The following RPS6KA5 variants were observed in gnomAD, a reference collection of about 807,000 sequenced individuals.
RPS6KA5 encodes the protein ribosomal protein S6 kinase alpha-5.
A neutral mutation model predicts 85.5 loss-of-function variants in RPS6KA5; 27 were observed. That is an observed-to-expected ratio of 0.32 (90% confidence interval 0.23 to 0.44). RPS6KA5 has a LOEUF of 0.44. Among genes scored for constraint, RPS6KA5 ranks in the 20% least tolerant of loss-of-function variants. RPS6KA5 has a pLI of 1.00. For missense variants in RPS6KA5, 811 were observed against 980.9 expected (o/e 0.83, Z 2.31); for synonymous variants, 334 against 348.2 (o/e 0.96, Z 0.46).
At chr14:90,968,323 A>C (rs1195183098) in intron 3 of RPS6KA5, among the ~76,000 whole-genome samples, 2 of 152,030 alleles carry the variant, frequency 1.3e-5, no homozygotes, top group Non-Finnish European at 2.9e-5. Context: ...CCTATTGTGT[A>C]AGGACCCTTG....
chr14:90,904,139 C>T (rs2035362603), intron 8 of RPS6KA5, among the ~76,000 whole-genome samples: 1 of 152,056 alleles, frequency 6.6e-6, no homozygotes, highest in Non-Finnish European at 1.5e-5. Context: ...TTAGCAGAGA[C>T]AGGGTTTCAC....
In RPS6KA5 at chr14:91,055,074, T is replaced by C. The variant is rs76234986; in HGVS notation, c.103+5258A>G. Reference sequence around the variant, plus strand: ...TGCTTGTCATTAGGCATTAGGGAAATGGAAAATCACTTCACACTCCCTATG... The same window carrying C: ...TGCTTGTCATTAGGCATTAGGGAAACGGAAAATCACTTCACACTCCCTATG... On this transcript the variant is annotated intron_variant, in intron 1 of 16. Transcript: ENST00000614987. Among the ~76,000 whole-genome samples the C allele has an allele frequency of 7.5e-3, 1,147 of 152,150 alleles. 8 individuals carry two copies. Among genetic ancestry groups the C allele is most frequent in the African/African-American group, 0.026 (1,078 of 41,494 alleles).
chr14:90,902,194 A>T (rs1424417866), intron 9 of RPS6KA5, among the ~76,000 whole-genome samples: 2 of 146,508 alleles, frequency 1.4e-5, no homozygotes, highest in African/African-American at 5.1e-5. Flanking sequence ...AAAAAAAAAA[A>T]ATTTTTTTGG....
At chr14:90,908,973 G>C (rs1452908307) in intron 7 of RPS6KA5, among the ~76,000 whole-genome samples, 2 of 152,218 alleles carry the variant, frequency 1.3e-5, no homozygotes, top group Non-Finnish European at 2.9e-5. Flanking sequence ...ACGCATAGGT[G>C]GTGGGAAGGT....
At chr14:90,979,650 T>C (rs955502942) in intron 2 of RPS6KA5, among the ~76,000 whole-genome samples, 2 of 152,234 alleles carry the variant, frequency 1.3e-5, no homozygotes, top group African/African-American at 2.4e-5. Flanking sequence ...CAACACACAA[T>C]GTGCAAGAGA....
rs894713594 is a variant in RPS6KA5, at chr14:90,866,110, A to G, written c.*5964T>C. 1 of 152,212 alleles carries G rather than the reference A, an allele frequency of 6.6e-6. No homozygotes were observed. Among genetic ancestry groups the G allele is most frequent in the African/African-American group, 2.4e-5 (1 of 41,450 alleles). The allele number at this position is 152,212 out of a possible 1,614,324, so 9.4% of individuals were successfully genotyped here. ...TGTAGAAATACACAAATGAGTGTGGACACACCATAGAAAAGCAGAAAAATA... is the reference window on the plus strand; with the variant it reads ...TGTAGAAATACACAAATGAGTGTGGGCACACCATAGAAAAGCAGAAAAATA... On this transcript the variant is annotated 3_prime_UTR_variant, in exon 17 of 17. Transcript: ENST00000614987.
chr14:91,051,064 C>A (rs189471344), intron 1 of RPS6KA5, among the ~76,000 whole-genome samples: 21 of 150,994 alleles, frequency 1.4e-4, no homozygotes, highest in Non-Finnish European at 2.5e-4. Flanking sequence ...CCCACCTCTA[C>A]CAAAAAATAC....
chr14:90,854,140 A>G lies in RPS6KA5; in HGVS notation c.*17934T>C, dbSNP rs2032155978. On this transcript the variant is annotated 3_prime_UTR_variant, in exon 17 of 17. Coordinates refer to ENST00000614987, the MANE Select transcript of RPS6KA5 (RefSeq NM_004755.4). Reference sequence around the variant, plus strand: ...TCTAAACTAAGATATCTGTTTATATAGACTATTGATGCAAACTAATTTTAA... The same window carrying G: ...TCTAAACTAAGATATCTGTTTATATGGACTATTGATGCAAACTAATTTTAA... 6.6e-6 allele frequency: 1 copy of G among 151,376 alleles called. No individual in the cohort carries two copies. The highest frequency in any genetic ancestry group is 1.5e-5 in the Non-Finnish European group (1 of 68,010). 9.4% of individuals were successfully genotyped at this position (151,376 alleles called of 1,614,324 possible). A position where few individuals can be genotyped will look rare whatever the true frequency, so the allele number is the denominator to read the frequency against.
Position 90,853,223 on chromosome 14 carries a change from A to G in RPS6KA5, c.*18851T>C, listed in dbSNP as rs1313499312. 6.6e-6 allele frequency: 1 copy of G among 152,214 alleles called. No homozygotes were observed. Among genetic ancestry groups the G allele is most frequent in the Non-Finnish European group, 1.5e-5 (1 of 68,026 alleles). 9.4% of individuals were successfully genotyped at this position (152,214 alleles called of 1,614,324 possible). ...AAATTCCTCTAAATGAAACAACTTT[A>G]TAAGGGATGAAGATGTCATAATGAT... On this transcript the variant is annotated 3_prime_UTR_variant, in exon 17 of 17. Transcript: ENST00000614987.
chr14:90,936,034 G>A (rs2037237567), intron 5 of RPS6KA5, among the ~76,000 whole-genome samples: 1 of 152,064 alleles, frequency 6.6e-6, no homozygotes, highest in Non-Finnish European at 1.5e-5. Context: ...CTTGAAGTAA[G>A]AACTCAACAA....
At chr14:90,955,172 G>A (rs2038433949) in intron 3 of RPS6KA5, among the ~76,000 whole-genome samples, 1 of 152,234 alleles carries the variant, frequency 6.6e-6, no homozygotes, top group South Asian at 2.1e-4. Flanking sequence ...GTGGAAGACT[G>A]GGTTACTGAT....
rs896031169 is a variant in RPS6KA5 at position 90,853,063 on chromosome 14, C to T, written c.*19011G>A. 1 of 151,984 alleles carries T rather than the reference C, an allele frequency of 6.6e-6. No individual in the cohort carries two copies. The highest frequency in any genetic ancestry group is 1.5e-5 in the Non-Finnish European group (1 of 67,996). The allele number at this position is 151,984 out of a possible 1,614,324, so 9.4% of individuals were successfully genotyped here. On this transcript the variant is annotated 3_prime_UTR_variant, in exon 17 of 17. Transcript: ENST00000614987. Reference sequence around the variant, plus strand: ...AACATTTTTAAGTGTGCAAAGCAGTCACAATGAAAAAAGCCCCGGATGTTA... The same window carrying T: ...AACATTTTTAAGTGTGCAAAGCAGTTACAATGAAAAAAGCCCCGGATGTTA...
At chr14:90,903,699 A>T (rs1212391083) in intron 8 of RPS6KA5, among the ~76,000 whole-genome samples, 1 of 152,218 alleles carries the variant, frequency 6.6e-6, no homozygotes, top group African/African-American at 2.4e-5. Flanking sequence ...CATTTAAAAC[A>T]ATCTCAGATA....
At chr14:90,888,535 T>C (rs1233085551) in intron 14 of RPS6KA5, among the ~76,000 whole-genome samples, 1 of 152,148 alleles carries the variant, frequency 6.6e-6, no homozygotes, top group South Asian at 2.1e-4. Context: ...TTATAAATGA[T>C]GACTGAAAAC....
intron 1 of RPS6KA5, among the ~76,000 whole-genome samples, chr14:91,019,225 T>G (rs553495287): frequency 2.6e-5 from 4 of 152,108 alleles, no homozygotes; most frequent in African/African-American, 9.7e-5. Context: ...TACCCAGATA[T>G]TTGGTCAAAC....
chr14:90,941,150 T>A (rs1235690274), intron 5 of RPS6KA5, among the ~76,000 whole-genome samples: 1 of 152,148 alleles, frequency 6.6e-6, no homozygotes, highest in Non-Finnish European at 1.5e-5. Context: ...GGACCCCTTC[T>A]CAAAATAATA....
chr14:90,997,742 G>C (rs1249281865), intron 2 of RPS6KA5, among the ~76,000 whole-genome samples: 1 of 152,258 alleles, frequency 6.6e-6, no homozygotes, highest in South Asian at 2.1e-4. Context: ...CAGGCAGGGT[G>C]GCTCACGCCT....
At chr14:90,960,230 G>A (rs1009496035) in intron 3 of RPS6KA5, among the ~76,000 whole-genome samples, 26 of 151,954 alleles carry the variant, frequency 1.7e-4, no homozygotes, top group African/African-American at 5.6e-4. Flanking sequence ...ATGTCTTTAC[G>A]CCTCTTTGTT....
chr14:90,964,914 CAAAA>C (rs10713991), intron 3 of RPS6KA5, among the ~76,000 whole-genome samples: 4 of 70,654 alleles, frequency 5.7e-5, no homozygotes, highest in Non-Finnish European at 8.7e-5. Flanking sequence ...GACCCTGTCT[CAAAA>C]AAAAAAAAAA....
Sources: allele counts gnomAD v4.1 joint callset (sites outside exome capture counted in the v4.1 genomes callset), GRCh38; gene constraint gnomAD v4.1.1; transcripts MANE v1.5; gene names NCBI Gene and HGNC (gene_info 2026-07-23, HGNC 2026-07-21).